Variants in ABCA1 observed in about 807,000 individuals in gnomAD.
ABCA1 encodes phospholipid-transporting ATPase ABCA1.
ABCA1 carries 133 observed loss-of-function variants against 262.5 expected under a neutral mutation model. The observed-to-expected ratio is 0.51, with a 90% CI of 0.44 to 0.59. The LOEUF (loss-of-function observed/expected upper bound fraction) is 0.59, where lower values mean the gene tolerates loss of function less well. Among genes scored for constraint, ABCA1 ranks in the 20% least tolerant of loss-of-function variants. ABCA1 has a pLI of 0.00. For missense variants in ABCA1, 2,452 were observed against 2,777.5 expected, an observed-to-expected ratio of 0.88 and a Z score of 2.63; for synonymous variants, 1,022 against 1,043.5, an observed-to-expected ratio of 0.98 and a Z score of 0.40.
chr9:104,880,049 T>C (rs558600447), intron 5 of ABCA1, among the ~76,000 whole-genome samples: 1 of 152,192 alleles, frequency 6.6e-6, no homozygotes, highest in African/African-American at 2.4e-5. Context: ...GGGTGGTGAA[T>C]ATTTTCTAAC....
At chr9:104,916,315 T>C (rs1164856410) in intron 1 of ABCA1, among the ~76,000 whole-genome samples, 4 of 152,346 alleles carry the variant, frequency 2.6e-5, no homozygotes, top group Non-Finnish European at 5.9e-5. Flanking sequence ...ACCCTCAACA[T>C]TCAGGATTTT....
At chr9:104,880,575 A>G (rs2119164708) in intron 5 of ABCA1, among the ~76,000 whole-genome samples, 1 of 152,232 alleles carries the variant, frequency 6.6e-6, no homozygotes. Flanking sequence ...AAAATCAGTA[A>G]AAAGTTACTG....
At chr9:104,789,651 CAGT>C (rs1829236204) in intron 44 of ABCA1, among the ~76,000 whole-genome samples, 1 of 152,166 alleles carries the variant, frequency 6.6e-6, no homozygotes, top group African/African-American at 2.4e-5. Flanking sequence ...CAATTAGTAA[CAGT>C]AGGTACTGCT....
intron 7 of ABCA1, among the ~76,000 whole-genome samples, chr9:104,852,262 T>C (rs926355830): frequency 2.6e-5 from 4 of 152,238 alleles, no homozygotes; most frequent in Non-Finnish European, 5.9e-5. Flanking sequence ...CCAGGAGTAA[T>C]TGCTATCTCT....
chr9:104,830,878 T>C lies in ABCA1; in HGVS notation c.1892+47A>G, dbSNP rs747058435. 17 of 1,604,310 alleles carry C rather than the reference T, an allele frequency of 1.1e-5. No homozygotes were observed. In the East Asian group the frequency reaches 3.8e-4, roughly 36 times the overall value. On this transcript the variant is annotated intron_variant, in intron 14 of 49. Coordinates refer to ENST00000374736, the MANE Select transcript of ABCA1 (RefSeq NM_005502.4). ...GCACACACATATATACACCCCCATC[T>C]GGCACAGTATAAACTGGTTAAAAAC... is the stretch of plus-strand genomic sequence containing the variant.
chr9:104,883,047 G>A lies in ABCA1; in HGVS notation c.413C>T (p.Ser138Phe). ...AGAAGGTTTTTACTTACTTGAGCTGGATTTCTTGATCTGCTGTAATGTTCT... is the reference window on the plus strand; with the variant it reads ...AGAAGGTTTTTACTTACTTGAGCTGAATTTCTTGATCTGCTGTAATGTTCT... ...VLRTLQQIKKSSSNLKLQDFL... is the reference protein window; with the variant it reads ...VLRTLQQIKKFSSNLKLQDFL... The change falls in exon 5 of 50, where the codon TCC becomes TTC. Residue 138 changes from serine (S) to phenylalanine (F), a missense_variant. Around this residue, in one of 4 missense-constraint regions of ABCA1, gnomAD observed 1,032 missense variants for 1,089.7 expected, o/e 0.95. Coordinates refer to ENST00000374736, the MANE Select transcript of ABCA1 (RefSeq NM_005502.4). 1 of 1,613,164 alleles carries A rather than the reference G, an allele frequency of 6.2e-7. No individual in the cohort carries two copies. Among genetic ancestry groups the A allele is most frequent in the Non-Finnish European group, 8.5e-7 (1 of 1,179,134 alleles).
At chr9:104,814,011 G>A (rs1831506672) in intron 27 of ABCA1, 107 bp downstream of exon 27, 1 of 1,126,002 alleles carries the variant, frequency 8.9e-7, no homozygotes, top group Non-Finnish European at 1.3e-6. Context: ...GGACTCTGTA[G>A]GGATCTATCA....
rs77727599 is a variant in ABCA1, at chr9:104,924,736, T to A, written c.-93+3199A>T. ...AATTAGAAGAGTCTATCTAAGGTAA[T>A]GTTCACTTATTCTAGCAGCTAAAAA... On this transcript the variant is annotated intron_variant, in intron 1 of 49. Coordinates refer to ENST00000374736, the MANE Select transcript of ABCA1 (RefSeq NM_005502.4). Among the ~76,000 whole-genome samples, 1,379 of 152,296 alleles carry A rather than the reference T, an allele frequency of 9.1e-3. 18 individuals carry two copies. The highest frequency in any genetic ancestry group is 0.031 in the African/African-American group (1,293 of 41,558).
At chr9:104,829,623 T>C (rs1309765037) in intron 14 of ABCA1, among the ~76,000 whole-genome samples, 1 of 152,118 alleles carries the variant, frequency 6.6e-6, no homozygotes, top group South Asian at 2.1e-4. Context: ...CACACAGATT[T>C]TGGACCCTGA....
intron 7 of ABCA1, chr9:104,855,351 C>G (rs754677363): frequency 4.5e-5 from 8 of 176,514 alleles, no homozygotes; most frequent in Non-Finnish European, 7.7e-5. Flanking sequence ...TGTGCGCCAC[C>G]ACGCCTGCCT....
At chr9:104,883,240 T>G (rs1050471377) in intron 4 of ABCA1, 83 bp from the exon 5 acceptor site, 1 of 1,239,758 alleles carries the variant, frequency 8.1e-7, no homozygotes, top group Non-Finnish European at 1.2e-6. Flanking sequence ...GCCAAGTGCA[T>G]AGAACTCAGC....
chr9:104,898,139 G>A (rs1353068496), intron 2 of ABCA1, among the ~76,000 whole-genome samples: 5 of 152,112 alleles, frequency 3.3e-5, no homozygotes, highest in African/African-American at 1.2e-4. Context: ...AATGGTCCAT[G>A]TATATGTAAT....
At chr9:104,927,188 C>A (rs1588612741) in intron 1 of ABCA1, among the ~76,000 whole-genome samples, 1 of 148,336 alleles carries the variant, frequency 6.7e-6, no homozygotes. Context: ...CCAGCCTGGG[C>A]GACAGACCGA....
chr9:104,863,456 G>A (rs147136738), intron 5 of ABCA1, among the ~76,000 whole-genome samples: 6 of 152,310 alleles, frequency 3.9e-5, no homozygotes, highest in Non-Finnish European at 5.9e-5. Flanking sequence ...TTTACCAGAA[G>A]AGAAACAGGT....
intron 30 of ABCA1, 124 bp from the exon 31 acceptor site, chr9:104,806,554 A>G (rs1830784321): frequency 5.3e-6 from 5 of 951,184 alleles, no homozygotes; most frequent in Non-Finnish European, 8.2e-6. Context: ...CATTTGGAAA[A>G]GACAAGCATG....
chr9:104,811,119 A>C (rs1430440222), intron 28 of ABCA1, among the ~76,000 whole-genome samples, 195 bp from the exon 29 acceptor site: 1 of 152,236 alleles, frequency 6.6e-6, no homozygotes, highest in Non-Finnish European at 1.5e-5. Flanking sequence ...CTGAAAACTA[A>C]ACCTTTTCTC....
intron 2 of ABCA1, among the ~76,000 whole-genome samples, chr9:104,895,676 T>G (rs965725963): frequency 6.6e-6 from 1 of 152,240 alleles, no homozygotes; most frequent in African/African-American, 2.4e-5. Context: ...TTCATAGTTA[T>G]GCCAACATCT....
intron 20 of ABCA1, among the ~76,000 whole-genome samples, chr9:104,820,470 G>A (rs994866666): frequency 2.6e-5 from 4 of 152,100 alleles, no homozygotes; most frequent in East Asian, 1.9e-4. Context: ...CTCTGAAAGC[G>A]GGGAGGACCC....
rs1157994684 is a variant in ABCA1 at position 104,819,953 on chromosome 9, A to G, written c.3077T>C (p.Leu1026Pro). 6.2e-7 allele frequency: 1 copy of G among 1,613,804 alleles called. No individual in the cohort carries two copies. Among genetic ancestry groups the G allele is most frequent in the Non-Finnish European group, 8.5e-7 (1 of 1,179,996 alleles). The change falls in exon 21 of 50, where the codon CTG becomes CCG. Residue 1026 changes from leucine (L) to proline (P), a missense_variant. By Grantham distance (98) the Leu-to-Pro change is moderately conservative. Coordinates refer to ENST00000374736, the MANE Select transcript of ABCA1 (RefSeq NM_005502.4). ...TGACAGCTGGCTTGTTTTGCTTTTC[A>G]GCTTGCTTGATGGCAAACCAACATC... ...ALDVGLPSSK[L>P]KSKTSQLSGG...
Sources: allele counts gnomAD v4.1 joint callset (sites outside exome capture counted in the v4.1 genomes callset), GRCh38; gene constraint gnomAD v4.1.1; regional missense constraint gnomAD v4.1.1; transcripts MANE v1.5; gene names NCBI Gene and HGNC (gene_info 2026-07-23, HGNC 2026-07-21).